The following XRN1 variants were observed in gnomAD, a reference collection of about 807,000 sequenced individuals.
XRN1 encodes 5'-3' exoribonuclease 1.
XRN1 carries 67 observed loss-of-function variants against 222.3 expected under a neutral mutation model. That is an observed-to-expected ratio of 0.30 (90% CI 0.25 to 0.37). XRN1 has a LOEUF of 0.37. Ranked by LOEUF, XRN1 falls within the 10% of genes least tolerant of loss-of-function variation. The pLI, the probability that XRN1 is intolerant of heterozygous loss-of-function variation, is 1.00. For synonymous variants in XRN1, 643 were observed against 652.4 expected, an observed-to-expected ratio of 0.99 and a Z score of 0.22; for missense variants, 1,707 against 2,000.2, an observed-to-expected ratio of 0.85 and a Z score of 2.80.
At chr3:142,407,080 G>A (rs9814159) in intron 15 of XRN1, among the ~76,000 whole-genome samples, 1 of 151,986 alleles carries the variant, frequency 6.6e-6, no homozygotes, top group Non-Finnish European at 1.5e-5. Flanking sequence ...TGCCTGCTGC[G>A]TAAGTATATC....
At chr3:142,375,974 G>GTGCACA in intron 24 of XRN1, 30 bp from the exon 25 acceptor site, 6 of 1,447,368 alleles carry the variant, frequency 4.1e-6, no homozygotes, top group Non-Finnish European at 5.5e-6. Flanking sequence ...GCGCACACGT[G>GTGCACA]CACACACACA....
chr3:142,348,753 T>C (rs1457929989), intron 32 of XRN1, among the ~76,000 whole-genome samples: 1 of 152,166 alleles, frequency 6.6e-6, no homozygotes, highest in African/African-American at 2.4e-5. Flanking sequence ...GAAGACCTAA[T>C]GAGATCACAT....
chr3:142,338,064 T>C (rs1048770351), intron 33 of XRN1, among the ~76,000 whole-genome samples: 12 of 152,174 alleles, frequency 7.9e-5, no homozygotes, highest in African/African-American at 2.9e-4. Context: ...GGACTACACG[T>C]CCTAGTGTTG....
Position 142,398,759 on chromosome 3 carries a change from G to T in XRN1, c.2208-1299C>A, listed in dbSNP as rs187171517. On this transcript the variant is annotated intron_variant, in intron 19 of 40. Transcript: ENST00000392981. The stretch of plus-strand genomic sequence containing the variant: ...CTTACAGGAAATATGTGGGATAGAC[G>T]ACAAAGTTAAATGACACTAAAAGGA... Among the ~76,000 whole-genome samples the T allele has an allele frequency of 2.0e-5, 3 of 152,110 alleles. No individual in the cohort carries two copies. The East Asian group carries it at 5.8e-4, about 29-fold the overall frequency.
At chr3:142,382,495 G>A (rs946579577) in intron 22 of XRN1, among the ~76,000 whole-genome samples, 1 of 152,126 alleles carries the variant, frequency 6.6e-6, no homozygotes, top group African/African-American at 2.4e-5. Flanking sequence ...TTTGGGCAGT[G>A]GTAGTACCCT....
At position 142,306,956 on chromosome 3, in the gene XRN1, TAA is replaced by T. The variant is rs2064979301; in HGVS notation, c.*4553_*4554del. On this transcript the variant is annotated 3_prime_UTR_variant, in exon 41 of 41. Coordinates refer to ENST00000392981, the MANE Select transcript of XRN1 (RefSeq NM_001282857.2). ...CTTATAAAATAGTTGAGAAATCAATTAAGATATGTATCTATATATGTATGAAT... is the reference window on the plus strand; with the variant it reads ...CTTATAAAATAGTTGAGAAATCAATTGATATGTATCTATATATGTATGAAT... The T allele has an allele frequency of 6.6e-6, 1 of 152,612 alleles. No individual in the cohort carries two copies. Among genetic ancestry groups the T allele is most frequent in the Non-Finnish European group, 1.5e-5 (1 of 68,030 alleles). 9.5% of individuals were successfully genotyped at this position (152,612 alleles called of 1,614,324 possible).
Position 142,371,231 on chromosome 3 carries a change from T to A in XRN1, c.3068+8A>T, listed in dbSNP as rs1434035390. On this transcript the variant is annotated splice_region_variant and intron_variant, in intron 26 of 40. Transcript: ENST00000392981. ...TATGAGGTAATAAATATCATAAATC[T>A]TGCTTACCCATTCTCATTTTCTCCA... 1 of 1,608,756 alleles carries A rather than the reference T, an allele frequency of 6.2e-7. No homozygotes were observed. Among genetic ancestry groups the A allele is most frequent in the East Asian group, 2.2e-5 (1 of 44,808 alleles).
chr3:142,408,189 T>C (rs1346388089), intron 15 of XRN1, among the ~76,000 whole-genome samples: 3 of 152,250 alleles, frequency 2.0e-5, no homozygotes, highest in Non-Finnish European at 4.4e-5. Flanking sequence ...GCAGTCCTTT[T>C]TGACACTGTC....
intron 29 of XRN1, 29 bp from the exon 30 acceptor site, chr3:142,359,960 A>C: frequency 6.7e-7 from 1 of 1,492,762 alleles, no homozygotes; most frequent in Non-Finnish European, 9.1e-7. Flanking sequence ...AAAAAGAGAC[A>C]CTAAAAAATC....
chr3:142,329,339 G>C, intron 37 of XRN1, 95 bp downstream of exon 37: 1 of 834,048 alleles, frequency 1.2e-6, no homozygotes, highest in Non-Finnish European at 1.7e-6. Context: ...AGAAAAATAG[G>C]CCCCATTTTA....
chr3:142,441,076 G>T (rs2070189189), intron 1 of XRN1, among the ~76,000 whole-genome samples: 1 of 152,290 alleles, frequency 6.6e-6, no homozygotes, highest in East Asian at 1.9e-4. Context: ...GTGGCTACAA[G>T]GTTTCCAAAC....
chr3:142,357,139 C>T lies in XRN1; in HGVS notation c.3465-20G>A, dbSNP rs773334497. ...GAGCATCTAAAAGTAAAAGTTATAT[C>T]AGGGTTGGAAGGAAAACAATACTAA... On this transcript the variant is annotated intron_variant, in intron 30 of 40. Transcript: ENST00000392981. 2 of 1,583,326 alleles carry T rather than the reference C, an allele frequency of 1.3e-6. No homozygotes were observed. The highest frequency in any genetic ancestry group is 3.6e-5 in the Admixed American group (2 of 55,040).
At chr3:142,385,442 T>C (rs1014482472) in intron 20 of XRN1, among the ~76,000 whole-genome samples, 8 of 152,160 alleles carry the variant, frequency 5.3e-5, no homozygotes, top group Admixed American at 2.0e-4. Flanking sequence ...AGAAAATAGA[T>C]TGGGGGTTGC....
At chr3:142,402,137 C>T (rs562194398) in intron 18 of XRN1, among the ~76,000 whole-genome samples, 1 of 152,266 alleles carries the variant, frequency 6.6e-6, no homozygotes, top group African/African-American at 2.4e-5. Flanking sequence ...TTCTCTCTCT[C>T]CAAGCTCTAG....
rs1192534448 is a variant in XRN1, at chr3:142,365,133, A to T, written c.3308T>A (p.Phe1103Tyr). 6.2e-7 allele frequency: 1 copy of T among 1,613,470 alleles called. No individual in the cohort carries two copies. The highest frequency in any genetic ancestry group is 2.2e-5 in the East Asian group (1 of 44,766). ...HGVIPDRDAEFCLFDRVVNVR... is the reference protein window; with the variant it reads ...HGVIPDRDAEYCLFDRVVNVR... ...ATTTACAACACGGTCAAAAAGACAAAATTCTGCATCCCGATCAGGAATGAC... is the reference window on the plus strand; with the variant it reads ...ATTTACAACACGGTCAAAAAGACAATATTCTGCATCCCGATCAGGAATGAC... The change falls in exon 29 of 41, where the codon TTT becomes TAT. Residue 1103 changes from phenylalanine to tyrosine, a missense_variant. This residue lies in a region of XRN1 where 1,234 missense variants were observed against 1,518.2 expected (regional missense o/e 0.81). Coordinates refer to ENST00000392981, the MANE Select transcript of XRN1 (RefSeq NM_001282857.2).
chr3:142,427,437 C>T lies in XRN1; in HGVS notation c.309-596G>A, dbSNP rs188190859. Among the ~76,000 whole-genome samples, 17 of 151,986 alleles carry T rather than the reference C, an allele frequency of 1.1e-4. No homozygotes were observed. The East Asian group carries it at 3.1e-3, about 28-fold the overall frequency. On this transcript the variant is annotated intron_variant, in intron 2 of 40. Coordinates refer to ENST00000392981, the MANE Select transcript of XRN1 (RefSeq NM_001282857.2). ...AATAATTATTGTCACAAATATATGG[C>T]AAATTCATTCTAAAAATAAGATCAA...
chr3:142,335,562 T>A lies in XRN1; in HGVS notation c.3878-53A>T, dbSNP rs563529405. The A allele has an allele frequency of 5.1e-5, 73 of 1,439,718 alleles. No individual in the cohort carries two copies. In the African/African-American group the frequency reaches 7.9e-4, roughly 16 times the overall value. 89.2% of individuals were successfully genotyped at this position (1,439,718 alleles called of 1,614,324 possible). A position where few individuals can be genotyped will look rare whatever the true frequency, so the allele number is the denominator to read the frequency against. The stretch of plus-strand genomic sequence containing the variant: ...TAAATGGAAGTGTTTACTGCACAAT[T>A]AAAACTACCAAATATTTATAATAGC... On this transcript the variant is annotated intron_variant, in intron 33 of 40. Transcript: ENST00000392981.
chr3:142,447,924 G>T lies in XRN1; in HGVS notation c.21C>A (p.Tyr7Ter). Residue 7 changes from tyrosine (Y) to a stop codon, truncating the protein, a stop_gained, in exon 1 of 41, where the codon TAC (tyrosine) becomes TAA (stop). Transcript: ENST00000392981. LOFTEE classifies it high-confidence loss of function. The surrounding 1 kb of genome is among the most constrained non-coding windows in gnomAD (Gnocchi z 4.2). ...AGGGATACCGCTCTGAGATCCATCT[G>T]TAAAACTTGGGGACTCCCATTTCGA... MGVPKF[Y>*]RWISERYPCL... 6.2e-7 allele frequency: 1 copy of T among 1,613,830 alleles called. No homozygotes were observed. The highest frequency in any genetic ancestry group is 2.2e-5 in the East Asian group (1 of 44,860).
chr3:142,323,189 T>C (rs2065408211), intron 37 of XRN1, among the ~76,000 whole-genome samples: 1 of 152,084 alleles, frequency 6.6e-6, no homozygotes, highest in Non-Finnish European at 1.5e-5. Context: ...CTCACAAGTA[T>C]ATGGAGGACA....
Sources: gnomAD v4.1 joint callset for allele counts (sites outside exome capture counted in the v4.1 genomes callset) on GRCh38, gnomAD v4.1.1 for gene constraint, gnomAD v4.1.1 regional missense constraint, Gnocchi (gnomAD v3.1) non-coding constraint, MANE v1.5 for transcripts, NCBI Gene and HGNC (gene_info 2026-07-23, HGNC 2026-07-21) for gene names.